The following GET1 variants were observed in gnomAD, a reference collection of about 807,000 sequenced individuals.
The protein encoded by GET1 is guided entry of tail-anchored proteins factor 1, also known as congenital heart disease 5 protein.
Under a neutral mutation model 22.6 loss-of-function variants are expected in GET1, and 20 were observed. The observed-to-expected ratio is 0.89, with a 90% CI of 0.62 to 1.29. The LOEUF is 1.29. Ranked by LOEUF, GET1 falls within the 50% of genes most tolerant of loss-of-function variation. The probability of loss-of-function intolerance (pLI) is 0.00; values close to 1 mark genes in which losing one functional copy is unlikely to be tolerated. For missense variants in GET1, 209 were observed against 219.9 expected, an observed-to-expected ratio of 0.95 and a Z score of 0.31; for synonymous variants, 92 against 83.8, an observed-to-expected ratio of 1.10 and a Z score of -0.53.
At chr21:39,413,216 C>T (rs1300220732) in intron 1 of GET1, among the ~76,000 whole-genome samples, 1 of 152,180 alleles carries the variant, frequency 6.6e-6, no homozygotes, top group African/African-American at 2.4e-5. Flanking sequence ...AGAACACAGA[C>T]CAGAGGCCTC....
In GET1 at chr21:39,390,723, C is replaced by T. The variant is rs769939550; in HGVS notation, c.128C>T (p.Ala43Val). The stretch of plus-strand genomic sequence containing the variant: ...ATGTCCAGGGTGCTGCAGAAGGACG[C>T]GGAGCAGGAGTCACAGATGAGAGCG... ...SFMSRVLQKD[A>V]EQESQMRAEI... The change falls in exon 2 of 5, where the codon GCG becomes GTG. Residue 43 changes from alanine to valine, a missense_variant. Transcript: ENST00000649170. 1.8e-5 allele frequency: 29 copies of T among 1,613,952 alleles called. No individual in the cohort carries two copies. Among genetic ancestry groups the T allele is most frequent in the East Asian group, 8.9e-5 (4 of 44,898 alleles).
At chr21:39,391,226 GA>G in intron 2 of GET1, 1 of 231,484 alleles carries the variant, frequency 4.3e-6, no homozygotes, top group Non-Finnish European at 8.6e-6. Flanking sequence ...CCACTCTCTA[GA>G]AAAATGCCCA....
In GET1 at chr21:39,387,872, A is replaced by AGG. The variant is rs143349356; in HGVS notation, c.103-2818_103-2817dup. 1,171 of 830,102 alleles carry AGG rather than the reference A, an allele frequency of 1.4e-3. 9 individuals are homozygous for AGG. In the African/African-American group the frequency reaches 0.021, roughly 15 times the overall value. 51.4% of individuals were successfully genotyped at this position (830,102 alleles called of 1,614,324 possible). On this transcript the variant is annotated intron_variant, in intron 1 of 4. Transcript: ENST00000649170. ...AGGAGACCTGTAAGCTGGAAGGGGG[A>AGG]GGGGGGGGGATCTGATTTATTGTGT... is the stretch of plus-strand genomic sequence containing the variant.
intron 4 of GET1, among the ~76,000 whole-genome samples, chr21:39,393,502 C>T (rs2038441890): frequency 6.6e-6 from 1 of 152,184 alleles, no homozygotes; most frequent in Non-Finnish European, 1.5e-5. Flanking sequence ...AGCTAGGATT[C>T]AGTCCTAGGT....
chr21:39,400,114 G>C (rs1453025903), downstream of GET1, among the ~76,000 whole-genome samples: 2 of 152,084 alleles, frequency 1.3e-5, no homozygotes, highest in Admixed American at 6.6e-5. Context: ...ACCTGGGGGG[G>C]CTCTCTGGCC....
At chr21:39,386,555 C>A (rs2037918457) in intron 1 of GET1, 1 of 152,238 alleles carries the variant, frequency 6.6e-6, no homozygotes, top group Non-Finnish European at 1.5e-5. Context: ...TGTTCAGGGT[C>A]TGGAGCTTCC....
At chr21:39,386,974 C>T (rs2146938413) in intron 1 of GET1, among the ~76,000 whole-genome samples, 1 of 152,232 alleles carries the variant, frequency 6.6e-6, no homozygotes, top group Middle Eastern at 3.4e-3. Context: ...CCTCAGCCTC[C>T]TGAGTAGCTG....
At chr21:39,414,140 T>C (rs1601742701) in intron 1 of GET1, 1 of 152,240 alleles carries the variant, frequency 6.6e-6, no homozygotes, top group African/African-American at 2.4e-5. Flanking sequence ...GTTCATGCAA[T>C]GCTCGTGGAA....
intron 1 of GET1, among the ~76,000 whole-genome samples, chr21:39,426,363 T>C (rs983797982): frequency 1.3e-5 from 2 of 152,222 alleles, no homozygotes; most frequent in African/African-American, 2.4e-5. Context: ...AATTTCTCTC[T>C]TGTAGAAAGT....
Position 39,414,738 on chromosome 21 carries a change from CTCTCTG to C in GET1, c.*23+3803_*23+3808del, listed in dbSNP as rs1330472359. Reference sequence around the variant, plus strand: ...CCTCTCTCTCTCTCTCTCTCTCTCTCTCTCTGTGTGTGTGTGTGTGTGTGTGTGTGT... The same window carrying C: ...CCTCTCTCTCTCTCTCTCTCTCTCTCTGTGTGTGTGTGTGTGTGTGTGTGT... On this transcript the variant is annotated intron_variant, in intron 1 of 1. Transcript: ENST00000478273. Among the ~76,000 whole-genome samples the C allele has an allele frequency of 7.3e-3, 781 of 107,368 alleles. 3 individuals are homozygous for C. The highest frequency in any genetic ancestry group is 0.034 in the East Asian group (127 of 3,756). 70.4% of individuals were successfully genotyped at this position (107,368 alleles called of 152,430 possible). A position where few individuals can be genotyped will look rare whatever the true frequency, so the allele number is the denominator to read the frequency against.
intron 1 of GET1, among the ~76,000 whole-genome samples, chr21:39,419,950 T>G (rs4816625): frequency 0.98 from 149,211 of 152,292 alleles, 73,122 homozygotes; most frequent in East Asian, 1. Flanking sequence ...AAACACATTT[T>G]TAAGTAAAAC....
intron 1 of GET1, among the ~76,000 whole-genome samples, chr21:39,419,524 AAAAAAAAAAAAG>A (rs2041908167): frequency 7.3e-5 from 1 of 13,610 alleles, no homozygotes. Flanking sequence ...GACCCTGTTC[AAAAAAAAAAAAG>A]AAAAAAGAAA....
At chr21:39,414,854 T>C (rs1190441919) in intron 1 of GET1, among the ~76,000 whole-genome samples, 1 of 152,044 alleles carries the variant, frequency 6.6e-6, no homozygotes, top group African/African-American at 2.4e-5. Context: ...CCTTTTTATC[T>C]TCCAGAAATT....
chr21:39,413,348 CTG>C (rs1264561028), intron 1 of GET1, among the ~76,000 whole-genome samples: 1 of 152,170 alleles, frequency 6.6e-6, no homozygotes, highest in Admixed American at 6.5e-5. Flanking sequence ...TAGCATAAGA[CTG>C]TTTTGAGTTA....
downstream of GET1, among the ~76,000 whole-genome samples, chr21:39,407,602 A>G (rs948197316): frequency 3.9e-5 from 6 of 152,204 alleles, no homozygotes; most frequent in Non-Finnish European, 7.4e-5. Flanking sequence ...GTGGAATTCC[A>G]GGCAGTTATT....
chr21:39,383,139 A>G (rs2037664576), intron 1 of GET1, among the ~76,000 whole-genome samples: 2 of 151,738 alleles, frequency 1.3e-5, no homozygotes, highest in Non-Finnish European at 2.9e-5. Flanking sequence ...TATTTTTAGT[A>G]GAGACGAGGT....
chr21:39,408,502 C>T (rs2039492893), downstream of GET1: 1 of 152,356 alleles, frequency 6.6e-6, no homozygotes, highest in African/African-American at 2.4e-5. Context: ...GACTAGGACC[C>T]CTGCTCCATT....
chr21:39,409,472 C>T (rs759168031), downstream of GET1, among the ~76,000 whole-genome samples: 6 of 151,978 alleles, frequency 3.9e-5, no homozygotes, highest in Admixed American at 2.0e-4. The surrounding 1 kb of genome is among the most constrained non-coding windows in gnomAD (Gnocchi z 4.2). Flanking sequence ...GTGGGCAGGG[C>T]GAGGGGATAT....
intron 4 of GET1, among the ~76,000 whole-genome samples, chr21:39,395,763 G>A (rs578190867): frequency 6.6e-6 from 1 of 152,224 alleles, no homozygotes; most frequent in East Asian, 1.9e-4. Context: ...CTGGGCCTAG[G>A]CCAGGAGCTC....
Sources: allele counts gnomAD v4.1 joint callset (sites outside exome capture counted in the v4.1 genomes callset), GRCh38; gene constraint gnomAD v4.1.1; non-coding constraint Gnocchi (gnomAD v3.1); transcripts MANE v1.5; gene names NCBI Gene and HGNC (gene_info 2026-07-23, HGNC 2026-07-21).